Variants in PRIM2 observed in about 807,000 individuals in gnomAD.
The protein encoded by PRIM2 is DNA primase large subunit.
A neutral mutation model predicts 67.3 loss-of-function variants in PRIM2; 39 were observed. The observed-to-expected ratio is 0.58, with a 90% CI of 0.45 to 0.76. The LOEUF (loss-of-function observed/expected upper bound fraction) is 0.76, where lower values mean the gene tolerates loss of function less well. PRIM2 is among the 30% of genes least tolerant of loss of function. PRIM2 has a pLI of 0.00. For synonymous variants in PRIM2, 143 were observed against 198.7 expected, an observed-to-expected ratio of 0.72 and a Z score of 2.36; for missense variants, 398 against 598.7, an observed-to-expected ratio of 0.66 and a Z score of 3.50.
At chr6:57,406,092 C>G (rs7747084) in intron 7 of PRIM2, among the ~76,000 whole-genome samples, 1 of 129,776 alleles carries the variant, frequency 7.7e-6, no homozygotes, top group Non-Finnish European at 1.7e-5. Context: ...GCTTCAGAGA[C>G]GTCAGGTCTG....
chr6:57,310,532 G>T (rs1161889564), upstream of PRIM2, among the ~76,000 whole-genome samples: 1 of 152,214 alleles, frequency 6.6e-6, no homozygotes, highest in Non-Finnish European at 1.5e-5. Flanking sequence ...AACCACCATC[G>T]TCATCATGGC....
chr6:57,390,501 A>G (rs1770302807), intron 7 of PRIM2, among the ~76,000 whole-genome samples: 1 of 152,064 alleles, frequency 6.6e-6, no homozygotes, highest in South Asian at 2.1e-4. Context: ...TATTAAACTC[A>G]GTACCCAATA....
At chr6:57,551,009 A>T (rs1355604633) in intron 10 of PRIM2, among the ~76,000 whole-genome samples, 31 of 152,296 alleles carry the variant, frequency 2.0e-4, no homozygotes, top group African/African-American at 7.5e-4. Flanking sequence ...TTTGTCACCC[A>T]TCTTTTGCCT....
At chr6:57,413,080 A>G (rs1216519477) in intron 7 of PRIM2, among the ~76,000 whole-genome samples, 3 of 151,902 alleles carry the variant, frequency 2.0e-5, no homozygotes, top group Non-Finnish European at 2.9e-5. Flanking sequence ...AACTAAAAAT[A>G]GGTATCTGGA....
chr6:57,274,608 C>T, the PRIM2 span, among the ~76,000 whole-genome samples: 40 of 152,356 alleles, frequency 2.6e-4, no homozygotes, highest in South Asian at 5.4e-3. Flanking sequence ...TGCTTTGGCT[C>T]GTGCACGGTG....
intron 10 of PRIM2, among the ~76,000 whole-genome samples, chr6:57,557,630 G>T: frequency 1.3e-5 from 2 of 151,686 alleles, no homozygotes; most frequent in Non-Finnish European, 2.9e-5. Context: ...GGTGGAGGGT[G>T]GGAGGAAGGA....
intron 9 of PRIM2, among the ~76,000 whole-genome samples, chr6:57,534,082 G>A (rs1774948450): frequency 6.6e-6 from 1 of 152,110 alleles, no homozygotes; most frequent in South Asian, 2.1e-4. Flanking sequence ...TTCTCCAAAT[G>A]TTTTCTTTAG....
the PRIM2 span, among the ~76,000 whole-genome samples, chr6:57,297,229 G>T: frequency 3.7e-3 from 562 of 152,120 alleles, 1 homozygote; most frequent in African/African-American, 0.013. Flanking sequence ...ATCACTTGAG[G>T]TCAGGAGTTT....
chr6:57,604,970 G>A (rs1377798262), intron 11 of PRIM2, among the ~76,000 whole-genome samples: 5 of 152,284 alleles, frequency 3.3e-5, no homozygotes, highest in African/African-American at 9.6e-5. Context: ...GATTACGGGC[G>A]TGAGCCACCG....
chr6:57,226,935 C>T, the PRIM2 span, among the ~76,000 whole-genome samples: 2 of 152,110 alleles, frequency 1.3e-5, no homozygotes, highest in Non-Finnish European at 2.9e-5. Context: ...CAGTGTGAGT[C>T]GGGGAATAAT....
chr6:57,406,548 A>T (rs78260036), intron 7 of PRIM2, among the ~76,000 whole-genome samples: 9,327 of 152,210 alleles, frequency 0.061, 381 homozygotes, highest in Admixed American at 0.1. Context: ...TGGTGCAGAA[A>T]ATGTTACCCA....
intron 9 of PRIM2, among the ~76,000 whole-genome samples, chr6:57,532,794 A>C (rs1774919859): frequency 6.6e-6 from 1 of 152,230 alleles, no homozygotes; most frequent in African/African-American, 2.4e-5. Context: ...GGGGAAATGG[A>C]AAACACTAAG....
At chr6:57,253,931 G>T in the PRIM2 span, among the ~76,000 whole-genome samples, 1 of 152,190 alleles carries the variant, frequency 6.6e-6, no homozygotes, top group Non-Finnish European at 1.5e-5. Context: ...AGTCTCACAG[G>T]TTACCAAAGA....
intron 7 of PRIM2, among the ~76,000 whole-genome samples, chr6:57,451,683 A>G (rs1171241101): frequency 1.1e-4 from 16 of 151,868 alleles, no homozygotes; most frequent in Admixed American, 9.2e-4. Flanking sequence ...TCATGAATTT[A>G]TCCATAGGCC....
the PRIM2 span, among the ~76,000 whole-genome samples, chr6:57,239,047 G>A: frequency 2.0e-5 from 3 of 151,890 alleles, no homozygotes; most frequent in Admixed American, 2.0e-4. Context: ...CTGGAGTACA[G>A]TGGCATGATC....
intron 5 of PRIM2, among the ~76,000 whole-genome samples, chr6:57,337,955 C>T (rs905629246): frequency 2.7e-5 from 4 of 150,688 alleles, no homozygotes; most frequent in East Asian, 1.9e-4. Flanking sequence ...ATTGATAGAC[C>T]GCTAGCAAGA....
At chr6:57,605,681 T>C (rs1776548766) in intron 11 of PRIM2, among the ~76,000 whole-genome samples, 1 of 152,200 alleles carries the variant, frequency 6.6e-6, no homozygotes, top group Non-Finnish European at 1.5e-5. Flanking sequence ...ATCTAAAATT[T>C]TCTAGATTTT....
At chr6:57,521,367 G>GTTTTTTTTTTTT (rs1163114437) in intron 8 of PRIM2, among the ~76,000 whole-genome samples, 5 of 97,956 alleles carry the variant, frequency 5.1e-5, no homozygotes, top group African/African-American at 1.9e-4. Context: ...TGTGGTTAGG[G>GTTTTTTTTTTTT]TTTTTTTTTT....
In PRIM2 at chr6:57,463,002, C is replaced by A. The variant is rs540803757; in HGVS notation, c.694-44385C>A. 2.6e-5 allele frequency among the ~76,000 whole-genome samples: 4 copies of A among 152,220 alleles called. No homozygotes were observed. In the East Asian group the frequency reaches 7.7e-4, roughly 29 times the overall value. On this transcript the variant is annotated intron_variant, in intron 7 of 13. Coordinates refer to ENST00000615550, the MANE Select transcript of PRIM2 (RefSeq NM_000947.5). The stretch of plus-strand genomic sequence containing the variant: ...CATGTTAGTATTGTTTATATCAGAG[C>A]AGGCTTGTGTTCAACAGTGAGAAGT...
Sources: gnomAD v4.1 joint callset for allele counts (sites outside exome capture counted in the v4.1 genomes callset) on GRCh38, gnomAD v4.1.1 for gene constraint, MANE v1.5 for transcripts, NCBI Gene and HGNC (gene_info 2026-07-23, HGNC 2026-07-21) for gene names.